The following CDC20B variants were observed in gnomAD, a reference collection of about 807,000 sequenced individuals.
CDC20B encodes the protein cell division cycle protein 20 homolog B.
Under a neutral mutation model 64.1 loss-of-function variants are expected in CDC20B, and 58 were observed. That is an observed-to-expected ratio of 0.90 (90% CI 0.73 to 1.13). CDC20B has a LOEUF of 1.13. Among genes scored for constraint, CDC20B ranks in the 50% most tolerant of loss-of-function variants. The pLI, the probability that CDC20B is intolerant of heterozygous loss-of-function variation, is 0.00. For missense variants in CDC20B, 597 were observed against 633.0 expected, an observed-to-expected ratio of 0.94 and a Z score of 0.61; for synonymous variants, 243 against 230.6, an observed-to-expected ratio of 1.05 and a Z score of -0.49.
chr5:55,117,867 C>A (rs1742660009), intron 11 of CDC20B, among the ~76,000 whole-genome samples: 1 of 152,134 alleles, frequency 6.6e-6, no homozygotes, highest in Non-Finnish European at 1.5e-5. Flanking sequence ...ATAATCCCAG[C>A]ACTTTGGGAG....
intron 11 of CDC20B, among the ~76,000 whole-genome samples, chr5:55,116,270 G>A (rs1055447290): frequency 2.0e-5 from 3 of 152,162 alleles, no homozygotes; most frequent in Admixed American, 2.0e-4. Flanking sequence ...GGACACAGTG[G>A]CACACGCCTG....
intron 2 of CDC20B, among the ~76,000 whole-genome samples, chr5:55,150,222 A>G (rs1335673): frequency 0.17 from 25,956 of 152,276 alleles, 2,368 homozygotes; most frequent in East Asian, 0.26. Flanking sequence ...AAATGGTAAC[A>G]TAGGATAATA....
intron 2 of CDC20B, among the ~76,000 whole-genome samples, chr5:55,149,263 A>C (rs531880625): frequency 6.6e-6 from 1 of 152,238 alleles, no homozygotes; most frequent in African/African-American, 2.4e-5. Flanking sequence ...TGTACATTGC[A>C]AGTGTACAGA....
rs767601572 is a variant in CDC20B at position 55,133,420 on chromosome 5, T to C, written c.689A>G (p.Asn230Ser). The C allele has an allele frequency of 8.5e-6, 13 of 1,525,452 alleles. 1 individual carries two copies. In the South Asian group the frequency reaches 1.6e-4, roughly 18 times the overall value. 94.5% of individuals were successfully genotyped at this position (1,525,452 alleles called of 1,614,324 possible). A position where few individuals can be genotyped will look rare whatever the true frequency, so the allele number is the denominator to read the frequency against. The change falls in exon 6 of 12, where the codon AAT becomes AGT. Residue 230 changes from asparagine (N) to serine (S), a missense_variant. Physicochemically the swap from Asn to Ser is conservative, Grantham distance 46. Coordinates refer to ENST00000381375, the MANE Select transcript of CDC20B (RefSeq NM_001170402.1). ...TCTAAATGATAACTTACAGTAGTCA[T>C]TTCGAAGACCAGTAATATGAATCTT... Reference protein sequence around the residue: ...EVKIHITGLRNDYYLNILDWS... With the variant: ...EVKIHITGLRSDYYLNILDWS...
intron 9 of CDC20B, among the ~76,000 whole-genome samples, chr5:55,120,794 A>G (rs976502244): frequency 6.6e-6 from 1 of 152,216 alleles, no homozygotes; most frequent in African/African-American, 2.4e-5. Flanking sequence ...TGATGATAAC[A>G]ATTGTGGATT....
intron 2 of CDC20B, among the ~76,000 whole-genome samples, chr5:55,162,294 G>A (rs1744118790): frequency 6.6e-6 from 1 of 152,160 alleles, no homozygotes; most frequent in Non-Finnish European, 1.5e-5. Flanking sequence ...TATTCAGGAG[G>A]CTGAGGCAGG....
chr5:55,150,732 C>G (rs1743642625), intron 2 of CDC20B, among the ~76,000 whole-genome samples: 1 of 152,146 alleles, frequency 6.6e-6, no homozygotes, highest in East Asian at 1.9e-4. Context: ...ATGGCCCACT[C>G]TGGCCTTCTT....
At chr5:55,146,510 A>G in intron 3 of CDC20B, 118 bp downstream of exon 3, 4 of 678,328 alleles carry the variant, frequency 5.9e-6, no homozygotes, top group South Asian at 4.2e-5. Flanking sequence ...AAAGGGAGAA[A>G]AAGAGAAAAG....
chr5:55,135,022 C>T (rs907180354), intron 5 of CDC20B, among the ~76,000 whole-genome samples: 6 of 152,154 alleles, frequency 3.9e-5, no homozygotes, highest in African/African-American at 1.2e-4. Context: ...GGAATGAACT[C>T]TAATGTAAAC....
rs769754299 is a variant in CDC20B, at chr5:55,143,566, C to A, written c.433G>T (p.Ala145Ser). Residue 145 changes from alanine (A) to serine (S), a missense_variant, in exon 4 of 12, where the codon GCA becomes TCA. This residue lies in a region of CDC20B where 241 missense variants were observed against 219.2 expected (regional missense o/e 1.10). Transcript: ENST00000381375. ...TSNSALHFCK[A>S]PHAMDRDWKE... Reference sequence around the variant, plus strand: ...CAGTCTCTGTCCATTGCATGAGGTGCCTTGCAAAAATGGAGAGCAGAGTTA... The same window carrying A: ...CAGTCTCTGTCCATTGCATGAGGTGACTTGCAAAAATGGAGAGCAGAGTTA... 16 of 1,610,752 alleles carry A rather than the reference C, an allele frequency of 9.9e-6. No individual in the cohort carries two copies. In the African/African-American group the frequency reaches 1.7e-4, roughly 17 times the overall value.
At position 55,114,436 on chromosome 5, in the gene CDC20B, C is replaced by T. The variant is rs1329970935; in HGVS notation, c.1460-118G>A. 13 of 1,469,708 alleles carry T rather than the reference C, an allele frequency of 8.8e-6. No homozygotes were observed. The South Asian group carries it at 9.1e-5, about 10-fold the overall frequency. The allele number at this position is 1,469,708 out of a possible 1,614,324, so 91.0% of individuals were successfully genotyped here. ...CATCCCAGGATAAAGGGCTTTCCCA[C>T]ACCCACCAGGTTCAGAGCTGCCACC... On this transcript the variant is annotated intron_variant, in intron 11 of 11. Transcript: ENST00000381375. The surrounding 1 kb of genome is among the most constrained non-coding windows in gnomAD (Gnocchi z 4.1).
At chr5:55,126,085 C>A (rs533864630) in intron 8 of CDC20B, among the ~76,000 whole-genome samples, 5 of 152,298 alleles carry the variant, frequency 3.3e-5, no homozygotes, top group African/African-American at 9.6e-5. Context: ...TTTAACAATG[C>A]AGATTAGAAA....
intron 4 of CDC20B, among the ~76,000 whole-genome samples, chr5:55,141,215 A>C (rs1228005856): frequency 2.0e-5 from 3 of 152,186 alleles, no homozygotes; most frequent in Admixed American, 6.5e-5. Context: ...GTTCACCTTT[A>C]TCTTGGCTGC....
intron 5 of CDC20B, 37 bp from the exon 6 acceptor site, chr5:55,133,565 C>T (rs1411587175): frequency 1.2e-6 from 1 of 851,180 alleles, no homozygotes. Flanking sequence ...GCTCTAAGAT[C>T]CTGAAAATAT....
intron 5 of CDC20B, among the ~76,000 whole-genome samples, chr5:55,137,891 GGAGACAGTGAAGA>G (rs1743225582): frequency 6.6e-6 from 1 of 152,064 alleles, no homozygotes; most frequent in Non-Finnish European, 1.5e-5. Context: ...GCCTGCAAAG[GGAGACAGTGAAGA>G]GAAACAAGCT....
chr5:55,128,305 C>G, intron 7 of CDC20B, 116 bp downstream of exon 7: 8 of 719,286 alleles, frequency 1.1e-5, no homozygotes, highest in Non-Finnish European at 1.7e-5. Context: ...TTTTATTCCC[C>G]ATACTTCAAG....
At chr5:55,158,641 A>C (rs1379471006) in intron 2 of CDC20B, among the ~76,000 whole-genome samples, 1 of 152,166 alleles carries the variant, frequency 6.6e-6, no homozygotes, top group Non-Finnish European at 1.5e-5. Flanking sequence ...CTCCACAAAC[A>C]TCTCAGCTCA....
intron 11 of CDC20B, among the ~76,000 whole-genome samples, chr5:55,115,285 A>G (rs1310765644): frequency 1.3e-5 from 2 of 152,218 alleles, no homozygotes; most frequent in African/African-American, 2.4e-5. Flanking sequence ...AAACAAAAAG[A>G]CTGTTTAATG....
At chr5:55,161,313 AC>A in intron 2 of CDC20B, 1 of 1,464,120 alleles carries the variant, frequency 6.8e-7, no homozygotes, top group Non-Finnish European at 9.4e-7. Context: ...AAACAATTAT[AC>A]CAGGACAATA....
Sources: allele counts gnomAD v4.1 joint callset (sites outside exome capture counted in the v4.1 genomes callset), GRCh38; gene constraint gnomAD v4.1.1; regional missense constraint gnomAD v4.1.1; non-coding constraint Gnocchi (gnomAD v3.1); transcripts MANE v1.5; gene names NCBI Gene and HGNC (gene_info 2026-07-23, HGNC 2026-07-21).